The following FANCC variants were observed in gnomAD, a reference collection of about 807,000 sequenced individuals.
The protein encoded by FANCC is FA complementation group C.
A neutral mutation model predicts 71.3 loss-of-function variants in FANCC; 55 were observed. The observed-to-expected ratio is 0.77, with a 90% confidence interval of 0.62 to 0.97. The LOEUF (loss-of-function observed/expected upper bound fraction) is 0.97. Ranked by LOEUF, FANCC falls within the 50% of genes least tolerant of loss-of-function variation. FANCC has a pLI of 0.00. For missense variants in FANCC, 678 were observed against 670.9 expected (o/e 1.01, Z -0.12); for synonymous variants, 275 against 244.9 (o/e 1.12, Z -1.15).
At chr9:95,120,148 A>G (rs1292053294) in intron 10 of FANCC, among the ~76,000 whole-genome samples, 1 of 152,188 alleles carries the variant, frequency 6.6e-6, no homozygotes, top group Non-Finnish European at 1.5e-5. Flanking sequence ...TCTTTCTAAC[A>G]TTTCTGTTGA....
At chr9:95,302,573 G>A (rs1834813099) in intron 1 of FANCC, among the ~76,000 whole-genome samples, 1 of 152,230 alleles carries the variant, frequency 6.6e-6, no homozygotes, top group Admixed American at 6.5e-5. Context: ...ATTCCAGAAT[G>A]TAGGCCGCTT....
intron 4 of FANCC, among the ~76,000 whole-genome samples, chr9:95,225,611 A>G (rs187558986): frequency 2.0e-5 from 3 of 152,262 alleles, no homozygotes; most frequent in African/African-American, 7.2e-5. Context: ...GGAGAACATC[A>G]GTAAATACCA....
intron 1 of FANCC, among the ~76,000 whole-genome samples, chr9:95,311,008 G>T (rs1835364322): frequency 6.6e-6 from 1 of 152,126 alleles, no homozygotes; most frequent in South Asian, 2.1e-4. Flanking sequence ...ACTTTGGGAG[G>T]CCAAGGCAGG....
chr9:95,108,055 C>T (rs2071595326), intron 13 of FANCC, among the ~76,000 whole-genome samples: 1 of 152,228 alleles, frequency 6.6e-6, no homozygotes, highest in African/African-American at 2.4e-5. Flanking sequence ...AACTCGTGAA[C>T]AGCTATGTTC....
rs2071831400 is a variant in FANCC at position 95,110,499 on chromosome 9, C to T, written c.1329+964G>A. On this transcript the variant is annotated intron_variant, in intron 13 of 14. Coordinates refer to ENST00000289081, the MANE Select transcript of FANCC (RefSeq NM_000136.3). ...TTAATCAGACAGCAATCCTCAAATA[C>T]ATACGTGGGTTATAATTTTTTCACA... 1.4e-5 allele frequency: 14 copies of T among 1,030,762 alleles called. No homozygotes were observed. The South Asian group carries it at 6.5e-4, about 48-fold the overall frequency. 63.9% of individuals were successfully genotyped at this position (1,030,762 alleles called of 1,614,324 possible).
chr9:95,213,353 G>C (rs1328431495), intron 4 of FANCC, among the ~76,000 whole-genome samples: 3 of 152,066 alleles, frequency 2.0e-5, no homozygotes, highest in African/African-American at 7.2e-5. Flanking sequence ...AGCCAAAACA[G>C]TCCCTAAGAA....
chr9:95,126,860 CAGTA>C (rs1412834877), intron 8 of FANCC: 2 of 426,110 alleles, frequency 4.7e-6, no homozygotes, highest in Non-Finnish European at 8.7e-6. Context: ...AATACAGAAT[CAGTA>C]AGTATTAGAG....
chr9:95,155,728 T>G (rs1041793670), intron 6 of FANCC, among the ~76,000 whole-genome samples: 3 of 152,000 alleles, frequency 2.0e-5, no homozygotes, highest in African/African-American at 7.2e-5. Flanking sequence ...TTCTCTTTCT[T>G]TCTTTTTGAG....
chr9:95,206,609 T>C (rs1484327066), intron 4 of FANCC, among the ~76,000 whole-genome samples: 1 of 152,130 alleles, frequency 6.6e-6, no homozygotes, highest in Non-Finnish European at 1.5e-5. Context: ...TGAAAATAGA[T>C]ATGCCACTCT....
intron 11 of FANCC, 73 bp from the exon 12 acceptor site, chr9:95,114,783 T>A: frequency 7.7e-7 from 1 of 1,294,526 alleles, no homozygotes; most frequent in Middle Eastern, 1.9e-4. Flanking sequence ...CCTGCAGGGA[T>A]GACCTGAAGA....
At chr9:95,106,069 G>A (rs370034770) in intron 14 of FANCC, among the ~76,000 whole-genome samples, 3 of 152,332 alleles carry the variant, frequency 2.0e-5, no homozygotes, top group South Asian at 2.1e-4. Context: ...GCTGCACGAC[G>A]TTAATGTCCC....
chr9:95,144,325 T>A (rs1378747905), intron 7 of FANCC, among the ~76,000 whole-genome samples: 1 of 152,222 alleles, frequency 6.6e-6, no homozygotes, highest in Non-Finnish European at 1.5e-5. Context: ...CCAGCACTTC[T>A]GGACAGTCTG....
rs1588008112 is a variant in FANCC at position 95,101,766 on chromosome 9, T to G, written c.1618A>C (p.Ser540Arg). 2 of 1,614,148 alleles carry G rather than the reference T, an allele frequency of 1.2e-6. No homozygotes were observed. Among genetic ancestry groups the G allele is most frequent in the Non-Finnish European group, 1.7e-6 (2 of 1,180,034 alleles). Residue 540 changes from serine to arginine, a missense_variant, in exon 15 of 15, where the codon AGC (serine) becomes CGC (arginine). Transcript: ENST00000289081. ...CGGGCCAGTTTTTCTGATCTAGGGC[T>G]TTCAATGCCAAGACGATTCCATCTG... is the stretch of plus-strand genomic sequence containing the variant. Reference protein sequence around the residue: ...LYRWNRLGIESPRSEKLAREL... With the variant: ...LYRWNRLGIERPRSEKLAREL...
At chr9:95,166,134 T>C (rs943732308) in intron 6 of FANCC, among the ~76,000 whole-genome samples, 3 of 152,056 alleles carry the variant, frequency 2.0e-5, no homozygotes, top group Non-Finnish European at 1.5e-5. Context: ...GTGAGTCTCT[T>C]GTAGCTAGAA....
intron 1 of FANCC, among the ~76,000 whole-genome samples, chr9:95,287,018 T>A (rs1411867817): frequency 6.6e-6 from 1 of 152,144 alleles, no homozygotes; most frequent in East Asian, 1.9e-4. Flanking sequence ...TAATTATTAT[T>A]ATTTTATAGC....
chr9:95,185,219 T>TATTC (rs945411986), intron 4 of FANCC, among the ~76,000 whole-genome samples: 2 of 152,246 alleles, frequency 1.3e-5, no homozygotes, highest in Admixed American at 6.5e-5. Flanking sequence ...AATTAAAAGA[T>TATTC]ATTCCAACAT....
At chr9:95,172,290 T>A in intron 4 of FANCC, 143 bp from the exon 5 acceptor site, 1 of 604,684 alleles carries the variant, frequency 1.7e-6, no homozygotes. Context: ...CAATTTACTT[T>A]GATTCAAAGT....
chr9:95,213,645 A>G (rs1387219478), intron 4 of FANCC, among the ~76,000 whole-genome samples: 2 of 152,210 alleles, frequency 1.3e-5, no homozygotes, highest in Admixed American at 6.5e-5. Flanking sequence ...AGCCCCATAT[A>G]CAAATATTAA....
At chr9:95,248,863 C>A (rs1050589369) in intron 2 of FANCC, among the ~76,000 whole-genome samples, 2 of 152,090 alleles carry the variant, frequency 1.3e-5, no homozygotes, top group Non-Finnish European at 2.9e-5. Flanking sequence ...TACTACTTGA[C>A]AACAAGCATG....
Sources: allele counts gnomAD v4.1 joint callset (sites outside exome capture counted in the v4.1 genomes callset), GRCh38; gene constraint gnomAD v4.1.1; transcripts MANE v1.5; gene names NCBI Gene and HGNC (gene_info 2026-07-23, HGNC 2026-07-21).